The following TP63 variants were observed in gnomAD, a reference collection of about 807,000 sequenced individuals.
The protein encoded by TP63 is tumor protein 63.
TP63 carries 17 observed loss-of-function variants against 82.8 expected under a neutral mutation model. That is an observed-to-expected ratio of 0.21 (90% CI 0.14 to 0.31). The LOEUF (loss-of-function observed/expected upper bound fraction) is 0.31, where lower values mean the gene tolerates loss of function less well. Among genes scored for constraint, TP63 ranks in the 10% least tolerant of loss-of-function variants. The pLI is 1.00. For missense variants in TP63, 648 were observed against 895.3 expected, an observed-to-expected ratio of 0.72 and a Z score of 3.52; for synonymous variants, 330 against 321.7, an observed-to-expected ratio of 1.03 and a Z score of -0.28.
chr3:189,807,211 G>C (rs1466344423), intron 3 of TP63, among the ~76,000 whole-genome samples: 3 of 152,204 alleles, frequency 2.0e-5, no homozygotes, highest in Non-Finnish European at 4.4e-5. Context: ...ATGATGATAG[G>C]CTGATTTGCC....
At chr3:189,872,770 C>A in intron 9 of TP63, 89 bp from the exon 10 acceptor site, 1 of 1,563,736 alleles carries the variant, frequency 6.4e-7, no homozygotes, top group Non-Finnish European at 8.8e-7. Flanking sequence ...ATTGCAATTA[C>A]GGAATCCTCA....
At chr3:189,743,270 A>G (rs1469246519) in intron 3 of TP63, among the ~76,000 whole-genome samples, 1 of 152,220 alleles carries the variant, frequency 6.6e-6, no homozygotes, top group East Asian at 1.9e-4. Context: ...GAGATTAATT[A>G]TATCTTTCTG....
chr3:189,808,265 C>T lies in TP63; in HGVS notation c.325-7C>T. On this transcript the variant is annotated splice_region_variant and splice_polypyrimidine_tract_variant and intron_variant, in intron 3 of 13. Transcript: ENST00000264731. ...GCTAATATTGGGGTTTCTGGGTGTC[C>T]TTGCAGCCACAGTACACGAACCTGG... The T allele has an allele frequency of 1.2e-6, 2 of 1,614,184 alleles. No homozygotes were observed. Among genetic ancestry groups the T allele is most frequent in the South Asian group, 1.1e-5 (1 of 91,084 alleles).
At chr3:189,710,802 A>G (rs142990806) in intron 1 of TP63, among the ~76,000 whole-genome samples, 145 of 152,242 alleles carry the variant, frequency 9.5e-4, no homozygotes, top group African/African-American at 3.2e-3. Context: ...TTCACTGCCA[A>G]ACTCCACCTC....
chr3:189,819,853 G>T (rs1728614951), intron 4 of TP63, among the ~76,000 whole-genome samples: 1 of 140,862 alleles, frequency 7.1e-6, no homozygotes, highest in African/African-American at 2.6e-5. Context: ...CCAGGTTCAA[G>T]CAACTCTCTG....
chr3:189,691,299 A>G (rs1282115810), intron 1 of TP63, among the ~76,000 whole-genome samples: 1 of 141,646 alleles, frequency 7.1e-6, no homozygotes, highest in Non-Finnish European at 1.5e-5. Flanking sequence ...AGATCATGCC[A>G]CTGCACTCCA....
At chr3:189,796,570 T>C (rs1725730191) in intron 3 of TP63, among the ~76,000 whole-genome samples, 1 of 151,968 alleles carries the variant, frequency 6.6e-6, no homozygotes. Flanking sequence ...AATCCTCCAC[T>C]TTCAAAAAGT....
chr3:189,677,332 TTA>T (rs200175961), intron 1 of TP63, among the ~76,000 whole-genome samples: 2,345 of 86,642 alleles, frequency 0.027, 68 homozygotes, highest in African/African-American at 0.066. Flanking sequence ...ACACACATAT[TTA>T]TATATATAAA....
chr3:189,832,924 C>T (rs1391223005), intron 4 of TP63, among the ~76,000 whole-genome samples: 1 of 152,204 alleles, frequency 6.6e-6, no homozygotes, highest in Admixed American at 6.5e-5. Context: ...CTGACTTTTA[C>T]TATTATGCGT....
rs182614546 is a variant in TP63 at position 189,701,652 on chromosome 3, A to C, written c.63-36088A>C. On this transcript the variant is annotated intron_variant, in intron 1 of 13. Coordinates refer to ENST00000264731, the MANE Select transcript of TP63 (RefSeq NM_003722.5). ...TTTGGATCATATTTATTCCAACAGA[A>C]AATGGAGGGGAAAGTTCAAAAATTC... is the stretch of plus-strand genomic sequence containing the variant. Among the ~76,000 whole-genome samples, 29 of 151,750 alleles carry C rather than the reference A, an allele frequency of 1.9e-4. 1 individual carries two copies. In the East Asian group the frequency reaches 5.4e-3, roughly 28 times the overall value.
intron 1 of TP63, among the ~76,000 whole-genome samples, chr3:189,702,774 C>G (rs1198025395): frequency 6.6e-6 from 1 of 152,210 alleles, no homozygotes; most frequent in Non-Finnish European, 1.5e-5. Flanking sequence ...TCTCAGGAAA[C>G]ATAAACTTCT....
chr3:189,787,728 G>A (rs1375052710), intron 3 of TP63, among the ~76,000 whole-genome samples: 5 of 152,024 alleles, frequency 3.3e-5, no homozygotes, highest in African/African-American at 1.2e-4. Context: ...GATCCCATTA[G>A]TGTAAAAAAC....
intron 10 of TP63, among the ~76,000 whole-genome samples, chr3:189,878,219 G>A (rs1391529290): frequency 6.6e-6 from 1 of 152,056 alleles, no homozygotes; most frequent in Non-Finnish European, 1.5e-5. Flanking sequence ...TCTCCAAACT[G>A]ATAGAAAATG....
At chr3:189,677,858 G>A (rs1715580102) in intron 1 of TP63, among the ~76,000 whole-genome samples, 1 of 151,992 alleles carries the variant, frequency 6.6e-6, no homozygotes, top group Non-Finnish European at 1.5e-5. Context: ...GTGATGTTGA[G>A]TATTTTTTCG....
At chr3:189,832,622 G>C (rs190014535) in intron 4 of TP63, among the ~76,000 whole-genome samples, 1 of 152,136 alleles carries the variant, frequency 6.6e-6, no homozygotes, top group East Asian at 1.9e-4. Flanking sequence ...TTATTATGCT[G>C]TCAGGAGTTG....
intron 1 of TP63, among the ~76,000 whole-genome samples, chr3:189,667,168 ATTT>A (rs11439554): frequency 8.3e-4 from 101 of 122,088 alleles, no homozygotes; most frequent in Middle Eastern, 4.3e-3. Flanking sequence ...AGAAGTTAGA[ATTT>A]TTTTTTTTTT....
chr3:189,687,988 G>A (rs1716583522), intron 1 of TP63, among the ~76,000 whole-genome samples: 1 of 145,888 alleles, frequency 6.9e-6, no homozygotes, highest in Admixed American at 6.9e-5. Flanking sequence ...TCAAAGTAAT[G>A]TGATCTGAAA....
intron 4 of TP63, among the ~76,000 whole-genome samples, chr3:189,821,498 G>C (rs1333385023): frequency 6.6e-6 from 1 of 152,208 alleles, no homozygotes; most frequent in Non-Finnish European, 1.5e-5. Flanking sequence ...CCACATGGAG[G>C]ATGCTTCAGA....
At chr3:189,832,183 AT>A (rs1056318862) in intron 4 of TP63, among the ~76,000 whole-genome samples, 1 of 151,774 alleles carries the variant, frequency 6.6e-6, no homozygotes, top group Non-Finnish European at 1.5e-5. Flanking sequence ...CAGCATCCTA[AT>A]TTTTTTTCTC....
Sources: allele counts gnomAD v4.1 joint callset (sites outside exome capture counted in the v4.1 genomes callset), GRCh38; gene constraint gnomAD v4.1.1; transcripts MANE v1.5; gene names NCBI Gene and HGNC (gene_info 2026-07-23, HGNC 2026-07-21).